Variants in BCAS3 observed in about 807,000 individuals in gnomAD.
The protein encoded by BCAS3 is BCAS3 microtubule associated cell migration factor.
BCAS3 carries 53 observed loss-of-function variants against 116.1 expected under a neutral mutation model. The observed-to-expected ratio is 0.46, with a 90% CI of 0.37 to 0.57. The LOEUF (loss-of-function observed/expected upper bound fraction) is 0.57. BCAS3 is among the 20% of genes least tolerant of loss of function. The probability of loss-of-function intolerance (pLI) is 0.00; values close to 1 mark genes in which losing one functional copy is unlikely to be tolerated. For missense variants in BCAS3, 917 were observed against 1,165.4 expected (o/e 0.79, Z 3.10); for synonymous variants, 391 against 408.2 (o/e 0.96, Z 0.51).
At chr17:61,234,574 C>T (rs2082880741) in intron 22 of BCAS3, among the ~76,000 whole-genome samples, 1 of 152,146 alleles carries the variant, frequency 6.6e-6, no homozygotes, top group Non-Finnish European at 1.5e-5. Context: ...GGTGGGCTTC[C>T]CTCTAGCAAT....
intron 22 of BCAS3, among the ~76,000 whole-genome samples, chr17:61,331,420 G>C (rs183035232): frequency 2.0e-4 from 30 of 152,288 alleles, no homozygotes; most frequent in African/African-American, 5.3e-4. Flanking sequence ...CAAGCAGCCA[G>C]ATGCCCCTGT....
chr17:61,294,757 C>T (rs2052736078), intron 22 of BCAS3, among the ~76,000 whole-genome samples: 1 of 152,230 alleles, frequency 6.6e-6, no homozygotes, highest in Non-Finnish European at 1.5e-5. Flanking sequence ...TCCATCCAGT[C>T]TCCATTGCTG....
chr17:60,875,596 T>C (rs1282164287), intron 9 of BCAS3, among the ~76,000 whole-genome samples: 1 of 152,100 alleles, frequency 6.6e-6, no homozygotes, highest in Admixed American at 6.5e-5. Flanking sequence ...TTAGTTTTTA[T>C]TGCTATTTGA....
intron 22 of BCAS3, among the ~76,000 whole-genome samples, chr17:61,357,508 G>A (rs946645083): frequency 2.6e-4 from 39 of 148,854 alleles, no homozygotes; most frequent in Admixed American, 1.5e-3. Flanking sequence ...GCAGTGGCGC[G>A]ATCTCGGCTC....
intron 5 of BCAS3, among the ~76,000 whole-genome samples, chr17:60,731,098 A>C (rs943826645): frequency 2.0e-5 from 3 of 152,254 alleles, no homozygotes; most frequent in African/African-American, 7.2e-5. Flanking sequence ...AGTTAAAAAA[A>C]CTATAATGAA....
rs535375853 is a variant in BCAS3, at chr17:60,808,886, A to G, written c.476+810A>G. Among the ~76,000 whole-genome samples the G allele has an allele frequency of 8.5e-5, 13 of 152,366 alleles. No homozygotes were observed. In the South Asian group the frequency reaches 1.2e-3, roughly 15 times the overall value. The stretch of plus-strand genomic sequence containing the variant: ...TCATGGAGAAGGAGCAGCATAGGTT[A>G]GATCTTAAGGAATGGGAAATATTGC... On this transcript the variant is annotated intron_variant, in intron 7 of 23. Coordinates refer to ENST00000407086, the MANE Select transcript of BCAS3 (RefSeq NM_017679.5).
chr17:60,689,712 A>G lies in BCAS3; in HGVS notation c.165A>G (p.Glu55=), dbSNP rs1198182957. 1.2e-6 allele frequency: 2 copies of G among 1,608,512 alleles called. No individual in the cohort carries two copies. Residue 55 remains glutamate, a synonymous_variant, in exon 4 of 24, where the codon GAA becomes GAG. Transcript: ENST00000407086. ...CTTACAGTGGAACACCTCTAACAGAAGAAAAGGAGAAAATAGTCTGGGTCA... is the reference window on the plus strand; with the variant it reads ...CTTACAGTGGAACACCTCTAACAGAGGAAAAGGAGAAAATAGTCTGGGTCA... ...PQAYSGTPLT[E]EKEKIVWVRF...
Position 61,229,131 on chromosome 17 carries a change from G to T in BCAS3, c.2426-139196G>T, listed in dbSNP as rs189667465. Among the ~76,000 whole-genome samples, 1 of 152,032 alleles carries T rather than the reference G, an allele frequency of 6.6e-6. No homozygotes were observed. Among genetic ancestry groups the T allele is most frequent in the Non-Finnish European group, 1.5e-5 (1 of 68,014 alleles). On this transcript the variant is annotated intron_variant, in intron 22 of 23. Coordinates refer to ENST00000407086, the MANE Select transcript of BCAS3 (RefSeq NM_017679.5). This position sits in a 1 kb window ranked among gnomAD's most constrained non-coding sequence, Gnocchi z 4.4. ...TGGCCTCAAGCAATCCTCTTGCCTC[G>T]GCCTCCCAAAGTGCTGGGATTACTG...
chr17:61,223,451 G>A (rs1464499355), intron 22 of BCAS3, among the ~76,000 whole-genome samples: 5 of 152,098 alleles, frequency 3.3e-5, no homozygotes, highest in East Asian at 1.9e-4. Context: ...GAGCCACCAC[G>A]CCCAGCCACA....
intron 14 of BCAS3, among the ~76,000 whole-genome samples, chr17:60,983,884 ACTT>A (rs776146899): frequency 1.1e-4 from 17 of 152,022 alleles, no homozygotes; most frequent in Non-Finnish European, 1.8e-4. Context: ...CTTTTCTCTT[ACTT>A]CTTCTGTTTA....
intron 4 of BCAS3, among the ~76,000 whole-genome samples, chr17:60,695,034 C>G (rs1458158092): frequency 6.6e-6 from 1 of 151,760 alleles, no homozygotes; most frequent in Non-Finnish European, 1.5e-5. Context: ...ACATAATGTT[C>G]TCAAGGTTCA....
At chr17:61,121,450 A>G (rs2075784275) in intron 22 of BCAS3, among the ~76,000 whole-genome samples, 2 of 152,114 alleles carry the variant, frequency 1.3e-5, no homozygotes, top group Non-Finnish European at 2.9e-5. Context: ...CCCTTCTTTA[A>G]TGCTTTTGTC....
chr17:61,313,940 TG>T lies in BCAS3; in HGVS notation c.2426-54382del, dbSNP rs34170692. ...ACTTAGTGCTGGCTCCAGAGTCTCG[TG>T]GGGGAAGCCGGCTGGCAGCACACAG... On this transcript the variant is annotated intron_variant, in intron 22 of 23. Transcript: ENST00000407086. This position sits in a 1 kb window ranked among gnomAD's most constrained non-coding sequence, Gnocchi z 4.3. 2.2e-4 allele frequency among the ~76,000 whole-genome samples: 33 copies of T among 152,286 alleles called. No homozygotes were observed. The highest frequency in any genetic ancestry group is 7.0e-4 in the African/African-American group (29 of 41,564).
chr17:60,884,545 A>G (rs2056464079), intron 9 of BCAS3, among the ~76,000 whole-genome samples: 1 of 146,862 alleles, frequency 6.8e-6, no homozygotes, highest in East Asian at 2.0e-4. Context: ...TAGGGTGTCT[A>G]TTTTGGATCT....
At position 61,258,043 on chromosome 17, in the gene BCAS3, C is replaced by T. The variant is rs2048924985; in HGVS notation, c.2426-110284C>T. ...ATTATTTTTGTGCACACTGTTCCTT[C>T]CTCTGAAGAGCCCTGCTCTTCTCAG... is the stretch of plus-strand genomic sequence containing the variant. On this transcript the variant is annotated intron_variant, in intron 22 of 23. Coordinates refer to ENST00000407086, the MANE Select transcript of BCAS3 (RefSeq NM_017679.5). This position sits in a 1 kb window ranked among gnomAD's most constrained non-coding sequence, Gnocchi z 4.7. Among the ~76,000 whole-genome samples, 1 of 152,178 alleles carries T rather than the reference C, an allele frequency of 6.6e-6. No homozygotes were observed. The highest frequency in any genetic ancestry group is 6.5e-5 in the Admixed American group (1 of 15,278).
chr17:60,719,667 G>A (rs901456325), intron 5 of BCAS3, among the ~76,000 whole-genome samples: 8 of 152,162 alleles, frequency 5.3e-5, no homozygotes, highest in South Asian at 2.1e-4. Context: ...ATTTGGACTC[G>A]TTGAGAATCT....
At position 61,215,102 on chromosome 17, in the gene BCAS3, A is replaced by G. The variant is rs2081709292; in HGVS notation, c.2425+130538A>G. ...ATTATCTATTATTATAGTTTTTCCT[A>G]ATCTACCCCTTGACTTAATCTAATT... On this transcript the variant is annotated intron_variant, in intron 22 of 23. Coordinates refer to ENST00000407086, the MANE Select transcript of BCAS3 (RefSeq NM_017679.5). This position sits in a 1 kb window ranked among gnomAD's most constrained non-coding sequence, Gnocchi z 4.8. 6.6e-6 allele frequency among the ~76,000 whole-genome samples: 1 copy of G among 152,202 alleles called. No homozygotes were observed. The highest frequency in any genetic ancestry group is 1.5e-5 in the Non-Finnish European group (1 of 68,022).
rs775848234 is a variant in BCAS3 at position 61,029,484 on chromosome 17, TATAAC to T, written c.1638-5178_1638-5174del. Among the ~76,000 whole-genome samples the T allele has an allele frequency of 6.6e-6, 1 of 151,702 alleles. No homozygotes were observed. Among genetic ancestry groups the T allele is most frequent in the Non-Finnish European group, 1.5e-5 (1 of 67,750 alleles). On this transcript the variant is annotated intron_variant, in intron 16 of 23. Transcript: ENST00000407086. This position sits in a 1 kb window ranked among gnomAD's most constrained non-coding sequence, Gnocchi z 5.2. ...TAAAATAATACAAAAGAATTACACA[TATAAC>T]ATACTTTTTTAAACATAGGAATTTA...
intron 3 of BCAS3, among the ~76,000 whole-genome samples, chr17:60,686,615 T>C (rs2034091772): frequency 6.6e-6 from 1 of 152,100 alleles, no homozygotes. Flanking sequence ...AACCTCTGCC[T>C]ACGAGTTTCA....
Sources: allele counts gnomAD v4.1 joint callset (sites outside exome capture counted in the v4.1 genomes callset), GRCh38; gene constraint gnomAD v4.1.1; non-coding constraint Gnocchi (gnomAD v3.1); transcripts MANE v1.5; gene names NCBI Gene and HGNC (gene_info 2026-07-23, HGNC 2026-07-21).